The following PLCB1 variants were observed in gnomAD, a reference collection of about 807,000 sequenced individuals.
PLCB1 encodes 1-phosphatidylinositol 4,5-bisphosphate phosphodiesterase beta-1.
In PLCB1, 46 loss-of-function variants were observed where a neutral mutation model predicts 161.8. The ratio of observed to expected loss-of-function variants is 0.28; its 90% CI spans 0.22 to 0.36. PLCB1 has a LOEUF of 0.36. Ranked by LOEUF, PLCB1 falls within the 10% of genes least tolerant of loss-of-function variation. The pLI is 1.00. For missense variants in PLCB1, 1,016 were observed against 1,472.5 expected, an observed-to-expected ratio of 0.69 and a Z score of 5.07; for synonymous variants, 517 against 503.7, an observed-to-expected ratio of 1.03 and a Z score of -0.35.
chr20:8,555,212 G>A (rs550932746), intron 3 of PLCB1, among the ~76,000 whole-genome samples: 1 of 152,106 alleles, frequency 6.6e-6, no homozygotes, highest in East Asian at 1.9e-4. Context: ...TGTTTTTGCT[G>A]ACTTCACCAC....
chr20:8,800,150 T>C (rs13433377), intron 31 of PLCB1, among the ~76,000 whole-genome samples: 7,074 of 152,256 alleles, frequency 0.046, 369 homozygotes, highest in South Asian at 0.2. Context: ...TGAGGGCAAA[T>C]GCAGGCATAC....
chr20:8,843,420 C>T (rs914949547), intron 31 of PLCB1, among the ~76,000 whole-genome samples: 27 of 152,104 alleles, frequency 1.8e-4, no homozygotes, highest in African/African-American at 6.5e-4. Context: ...CAACCCAATA[C>T]CTTTTAGTGT....
rs6055754 is a variant in PLCB1 at position 8,338,023 on chromosome 20, G to A, written c.178-33359G>A. Among the ~76,000 whole-genome samples the A allele has an allele frequency of 3.4e-3, 514 of 152,268 alleles. 3 individuals are homozygous for A. The highest frequency in any genetic ancestry group is 0.012 in the African/African-American group (480 of 41,558). On this transcript the variant is annotated intron_variant, in intron 2 of 31. Transcript: ENST00000338037. ...AGGGATGAATGATGCCCAGAAAGGT[G>A]CCTGTAACCAAGACTGTGGTTCTCA...
intron 3 of PLCB1, among the ~76,000 whole-genome samples, chr20:8,546,469 T>C (rs1380795079): frequency 6.6e-6 from 1 of 152,182 alleles, no homozygotes; most frequent in Non-Finnish European, 1.5e-5. Flanking sequence ...TCCTAAGCTG[T>C]ATTTTAAGAG....
chr20:8,596,078 T>C (rs1987336635), intron 3 of PLCB1, among the ~76,000 whole-genome samples: 1 of 151,612 alleles, frequency 6.6e-6, no homozygotes, highest in Non-Finnish European at 1.5e-5. Context: ...GGTAGTTTCT[T>C]TTGCTGTGCA....
chr20:8,642,334 G>T (rs1988981954), intron 4 of PLCB1, among the ~76,000 whole-genome samples: 1 of 152,122 alleles, frequency 6.6e-6, no homozygotes, highest in Admixed American at 6.5e-5. Context: ...TTAACAAAAG[G>T]CTTTCCAGCT....
chr20:8,161,686 G>GA (rs1471431483), intron 2 of PLCB1, among the ~76,000 whole-genome samples: 6 of 152,146 alleles, frequency 3.9e-5, no homozygotes, highest in Non-Finnish European at 8.8e-5. Flanking sequence ...GCTGCACAAT[G>GA]AAATCACAGG....
At chr20:8,653,767 T>C (rs16995062) in intron 7 of PLCB1, among the ~76,000 whole-genome samples, 6,855 of 152,102 alleles carry the variant, frequency 0.045, 515 homozygotes, top group African/African-American at 0.16. Context: ...TAGGAATATT[T>C]AGTGTACTGG....
chr20:8,483,482 T>C (rs985565261), intron 3 of PLCB1, among the ~76,000 whole-genome samples: 4 of 152,246 alleles, frequency 2.6e-5, no homozygotes, highest in Non-Finnish European at 4.4e-5. Context: ...ACTTTTATAG[T>C]TGACATTGTT....
chr20:8,508,825 A>G (rs1007590709), intron 3 of PLCB1, among the ~76,000 whole-genome samples: 2 of 152,156 alleles, frequency 1.3e-5, no homozygotes, highest in Non-Finnish European at 2.9e-5. Context: ...TACTATGTAT[A>G]CAATGAAAAC....
At chr20:8,318,107 C>G (rs1984740968) in intron 2 of PLCB1, among the ~76,000 whole-genome samples, 1 of 151,508 alleles carries the variant, frequency 6.6e-6, no homozygotes, top group Non-Finnish European at 1.5e-5. Context: ...GATATTATTT[C>G]TCTTAAGCCT....
chr20:8,403,296 A>T (rs1978644387), intron 3 of PLCB1, among the ~76,000 whole-genome samples: 1 of 152,156 alleles, frequency 6.6e-6, no homozygotes, highest in African/African-American at 2.4e-5. Context: ...TGGGAGGATT[A>T]CTTGAGCCCA....
intron 2 of PLCB1, among the ~76,000 whole-genome samples, chr20:8,370,713 A>C (rs566308240): frequency 1.3e-4 from 20 of 152,206 alleles, no homozygotes; most frequent in Non-Finnish European, 2.4e-4. Context: ...CAACCATAGT[A>C]GTCAACTTTA....
intron 3 of PLCB1, among the ~76,000 whole-genome samples, chr20:8,552,587 G>T (rs1985811107): frequency 6.6e-6 from 1 of 152,162 alleles, no homozygotes; most frequent in Admixed American, 6.6e-5. Flanking sequence ...ACAATGGATT[G>T]CACTTCTCTG....
At chr20:8,867,054 G>A (rs73895377) in intron 31 of PLCB1, among the ~76,000 whole-genome samples, 6,243 of 152,254 alleles carry the variant, frequency 0.041, 195 homozygotes, top group African/African-American at 0.085. Context: ...TAGGTGATCG[G>A]GAGAAGGATG....
chr20:8,570,343 G>T (rs1986465062), intron 3 of PLCB1, among the ~76,000 whole-genome samples: 2 of 152,142 alleles, frequency 1.3e-5, no homozygotes, highest in African/African-American at 4.8e-5. Context: ...AGTGAGGAAG[G>T]TAGAGAGTGG....
chr20:8,520,398 T>G (rs1486379391), intron 3 of PLCB1, among the ~76,000 whole-genome samples: 2 of 152,198 alleles, frequency 1.3e-5, no homozygotes, highest in Non-Finnish European at 2.9e-5. Context: ...TACCAAACTT[T>G]CATTAACTAT....
At chr20:8,781,253 C>T (rs1299104851) in intron 27 of PLCB1, among the ~76,000 whole-genome samples, 1 of 151,912 alleles carries the variant, frequency 6.6e-6, no homozygotes, top group African/African-American at 2.4e-5. Context: ...AATAATTTAG[C>T]TTTCCCAAAA....
chr20:8,261,016 C>T (rs1981663458), intron 2 of PLCB1, among the ~76,000 whole-genome samples: 1 of 152,128 alleles, frequency 6.6e-6, no homozygotes, highest in East Asian at 1.9e-4. Flanking sequence ...ACCTCACAGC[C>T]CTTGTGTTGC....
Sources: allele counts gnomAD v4.1 joint callset (sites outside exome capture counted in the v4.1 genomes callset), GRCh38; gene constraint gnomAD v4.1.1; transcripts MANE v1.5; gene names NCBI Gene and HGNC (gene_info 2026-07-23, HGNC 2026-07-21).